RC3H1: variants seen among roughly 807,000 people sequenced by gnomAD.
RC3H1 encodes ring finger and CCCH-type domains 1, also known as roquin-1.
Under a neutral mutation model 138.2 loss-of-function variants are expected in RC3H1, and 50 were observed. That is an observed-to-expected ratio of 0.36 (90% CI 0.29 to 0.46). The LOEUF is 0.46. Ranked by LOEUF, RC3H1 falls within the 20% of genes least tolerant of loss-of-function variation. RC3H1 has a pLI of 1.00. For synonymous variants in RC3H1, 462 were observed against 489.1 expected (o/e 0.94, Z 0.73); for missense variants, 1,031 against 1,388.1 (o/e 0.74, Z 4.09).
In RC3H1 at chr1:173,941,563, G is replaced by A. The variant is rs151044571; in HGVS notation, c.3136-183C>T. The A allele has an allele frequency of 9.1e-4, 444 of 490,126 alleles. 4 individuals carry two copies. The East Asian group carries it at 0.014, about 16-fold the overall frequency. The allele number at this position is 490,126 out of a possible 1,614,324, so 30.4% of individuals were successfully genotyped here. A position where few individuals can be genotyped will look rare whatever the true frequency, so the allele number is the denominator to read the frequency against. On this transcript the variant is annotated intron_variant, in intron 18 of 19. Transcript: ENST00000367696. ...AAACATAACAGAATACAATCCACTT[G>A]CTCACTAACCAAGCTGGACAATAAG... is the stretch of plus-strand genomic sequence containing the variant.
chr1:174,015,201 T>C (rs1424710450), intron 1 of RC3H1, among the ~76,000 whole-genome samples: 2 of 151,832 alleles, frequency 1.3e-5, no homozygotes, highest in Non-Finnish European at 2.9e-5. Context: ...TAAACCAATA[T>C]GTTAGTGCAG....
chr1:173,936,329 T>A lies in RC3H1; in HGVS notation c.*2392A>T, dbSNP rs1658577486. The A allele has an allele frequency of 6.6e-6, 1 of 151,830 alleles. No homozygotes were observed. Among genetic ancestry groups the A allele is most frequent in the South Asian group, 2.1e-4 (1 of 4,818 alleles). 9.4% of individuals were successfully genotyped at this position (151,830 alleles called of 1,614,324 possible). ...TGACATACCCAAAGGAGAAGATCAG[T>A]CCAAATCTGCTTATAAGAAGGTTGT... On this transcript the variant is annotated 3_prime_UTR_variant, in exon 20 of 20. Transcript: ENST00000367696.
chr1:173,997,574 AGTAAG>A (rs1661485145), intron 1 of RC3H1, among the ~76,000 whole-genome samples: 1 of 152,122 alleles, frequency 6.6e-6, no homozygotes, highest in African/African-American at 2.4e-5. Context: ...AACTTTGTAA[AGTAAG>A]GTATGTAGTT....
chr1:173,982,493 A>C (rs1660867293), intron 5 of RC3H1, among the ~76,000 whole-genome samples: 1 of 152,180 alleles, frequency 6.6e-6, no homozygotes, highest in Non-Finnish European at 1.5e-5. Context: ...TCAAATACAA[A>C]AATCTATAAA....
intron 19 of RC3H1, among the ~76,000 whole-genome samples, chr1:173,940,194 G>A (rs956369375): frequency 2.3e-4 from 35 of 152,004 alleles, no homozygotes; most frequent in South Asian, 2.1e-4. Context: ...GGAAAGAGCC[G>A]GGTGCGGTGG....
At chr1:173,978,379 G>T in intron 7 of RC3H1, 109 bp downstream of exon 7, 1 of 1,123,268 alleles carries the variant, frequency 8.9e-7, no homozygotes, top group Non-Finnish European at 1.3e-6. Context: ...AAAAGATCTG[G>T]AGTAACTACT....
At chr1:173,994,810 A>G (rs973085625) in intron 1 of RC3H1, among the ~76,000 whole-genome samples, 3 of 151,782 alleles carry the variant, frequency 2.0e-5, no homozygotes, top group Non-Finnish European at 1.5e-5. Flanking sequence ...AAAAAAAAAA[A>G]AAAAGAAAAA....
In RC3H1 at chr1:173,984,517, G is replaced by C; in HGVS notation, c.334C>G (p.Pro112Ala). The C allele has an allele frequency of 6.2e-7, 1 of 1,613,630 alleles. No individual in the cohort carries two copies. Among genetic ancestry groups the C allele is most frequent in the South Asian group, 1.1e-5 (1 of 90,988 alleles). ...CVEELALYLK[P>A]LSSARGVGLN... ...AACTTACCTCTAGCACTGCTGAGCGGTTTTAAGTACAATGCTAATTCTTCT... is the reference window on the plus strand; with the variant it reads ...AACTTACCTCTAGCACTGCTGAGCGCTTTTAAGTACAATGCTAATTCTTCT... Residue 112 changes from proline (P) to alanine (A), a missense_variant, in exon 3 of 20, where the codon CCG (proline) becomes GCG (alanine). Coordinates refer to ENST00000367696, the MANE Select transcript of RC3H1 (RefSeq NM_172071.4).
At chr1:174,004,779 G>C (rs1015687104) in intron 1 of RC3H1, among the ~76,000 whole-genome samples, 3 of 152,080 alleles carry the variant, frequency 2.0e-5, no homozygotes, top group African/African-American at 7.2e-5. Context: ...GATCACAAAA[G>C]AGAGAAAAGA....
intron 13 of RC3H1, among the ~76,000 whole-genome samples, chr1:173,957,333 C>T (rs1557927481): frequency 1.3e-5 from 2 of 151,976 alleles, no homozygotes; most frequent in African/African-American, 4.8e-5. Context: ...AATGAAGAAA[C>T]GTGCACCTCA....
chr1:173,940,846 C>T (rs1056698817), intron 19 of RC3H1, among the ~76,000 whole-genome samples: 2 of 149,950 alleles, frequency 1.3e-5, no homozygotes, highest in African/African-American at 4.9e-5. Flanking sequence ...TTTTTGAGAC[C>T]GTGTCTCACT....
chr1:174,005,686 G>A (rs903566864), intron 1 of RC3H1, among the ~76,000 whole-genome samples: 1 of 151,984 alleles, frequency 6.6e-6, no homozygotes, highest in Non-Finnish European at 1.5e-5. Flanking sequence ...CATTTTCAAA[G>A]CACAACATGG....
intron 13 of RC3H1, among the ~76,000 whole-genome samples, chr1:173,954,713 A>G (rs1659559785): frequency 6.6e-6 from 1 of 152,122 alleles, no homozygotes; most frequent in African/African-American, 2.4e-5. Context: ...GACATAAAAA[A>G]TTTGGACGGG....
chr1:173,941,656 C>T lies in RC3H1; in HGVS notation c.3136-276G>A, dbSNP rs1270587073. ...AAAAAACAATGACCTAGAAAGGCGG[C>T]CAGGCATGGCGGCTCACGCCTGTAA... On this transcript the variant is annotated intron_variant, in intron 18 of 19. Coordinates refer to ENST00000367696, the MANE Select transcript of RC3H1 (RefSeq NM_172071.4). 2.6e-5 allele frequency among the ~76,000 whole-genome samples: 4 copies of T among 152,230 alleles called. No homozygotes were observed. In the East Asian group the frequency reaches 7.7e-4, roughly 29 times the overall value.
At chr1:173,987,734 A>G in intron 2 of RC3H1, among the ~76,000 whole-genome samples, 1 of 152,144 alleles carries the variant, frequency 6.6e-6, no homozygotes. Context: ...AACCCGAGAT[A>G]TACATTGTAA....
chr1:173,951,329 C>T (rs562267879), intron 14 of RC3H1, among the ~76,000 whole-genome samples: 11 of 151,358 alleles, frequency 7.3e-5, no homozygotes, highest in Non-Finnish European at 1.2e-4. Context: ...CCATCCCCCC[C>T]CCAAAAAAAG....
rs143588430 is a variant in RC3H1, at chr1:173,964,928, C to A, written c.1527G>T (p.Pro509=). The part of the protein sequence containing the change: ...STGNTVTQLI[P]RGTDPSYDSS... Reference sequence around the variant, plus strand: ...AATCATAGCTGGGGTCTGTCCCTCGCGGAATAAGCTGTGTTACTGTATTCC... The same window carrying A: ...AATCATAGCTGGGGTCTGTCCCTCGAGGAATAAGCTGTGTTACTGTATTCC... The change falls in exon 10 of 20, where the codon CCG becomes CCT. Residue 509 remains proline (P), a synonymous_variant. Coordinates refer to ENST00000367696, the MANE Select transcript of RC3H1 (RefSeq NM_172071.4). The A allele has an allele frequency of 6.2e-7, 1 of 1,614,028 alleles. No individual in the cohort carries two copies. Among genetic ancestry groups the A allele is most frequent in the Admixed American group, 1.7e-5 (1 of 59,998 alleles).
rs1658694970 is a variant in RC3H1 at position 173,938,559 on chromosome 1, G to A, written c.*162C>T. ...ATGCATTAATGTGAACTATGTGCAGGGTTTGTTTTTAGTAGTGGTGTTTGT... is the reference window on the plus strand; with the variant it reads ...ATGCATTAATGTGAACTATGTGCAGAGTTTGTTTTTAGTAGTGGTGTTTGT... On this transcript the variant is annotated 3_prime_UTR_variant, in exon 20 of 20. Transcript: ENST00000367696. 2.1e-6 allele frequency: 1 copy of A among 484,232 alleles called. No homozygotes were observed. Among genetic ancestry groups the A allele is most frequent in the Non-Finnish European group, 3.7e-6 (1 of 271,766 alleles). 30.0% of individuals were successfully genotyped at this position (484,232 alleles called of 1,614,324 possible).
chr1:174,012,793 A>AAAAAG (rs199504710), intron 1 of RC3H1, among the ~76,000 whole-genome samples: 77 of 150,972 alleles, frequency 5.1e-4, no homozygotes, highest in African/African-American at 1.7e-3. Context: ...TCAAAAAAAA[A>AAAAAG]AAAAGAAAAG....
Sources: gnomAD v4.1 joint callset for allele counts (sites outside exome capture counted in the v4.1 genomes callset) on GRCh38, gnomAD v4.1.1 for gene constraint, MANE v1.5 for transcripts, NCBI Gene and HGNC (gene_info 2026-07-23, HGNC 2026-07-21) for gene names.